The following HS3ST4 variants were observed in gnomAD, a reference collection of about 807,000 sequenced individuals.
HS3ST4 encodes heparan sulfate-glucosamine 3-sulfotransferase 4.
In HS3ST4, 17 loss-of-function variants were observed where a neutral mutation model predicts 29.2. That is an observed-to-expected ratio of 0.58 (90% CI 0.40 to 0.87). The LOEUF (loss-of-function observed/expected upper bound fraction) is 0.87. Among genes scored for constraint, HS3ST4 ranks in the 40% least tolerant of loss-of-function variants. The pLI is 0.00. For synonymous variants in HS3ST4, 314 were observed against 285.7 expected (o/e 1.10, Z -1.00); for missense variants, 627 against 634.5 (o/e 0.99, Z 0.13).
chr16:25,970,897 C>T (rs149631339), intron 1 of HS3ST4, among the ~76,000 whole-genome samples: 4,821 of 152,206 alleles, frequency 0.032, 95 homozygotes, highest in Middle Eastern at 0.058. Flanking sequence ...GTCGCTCAGG[C>T]TGGAGTGCAA....
At chr16:25,901,599 A>G (rs976382668) in intron 1 of HS3ST4, among the ~76,000 whole-genome samples, 9 of 152,294 alleles carry the variant, frequency 5.9e-5, no homozygotes, top group Non-Finnish European at 1.2e-4. Context: ...GGTTGAACCC[A>G]GGAGGCAGAG....
At chr16:25,774,754 G>T (rs1305687529) in intron 1 of HS3ST4, among the ~76,000 whole-genome samples, 2 of 152,204 alleles carry the variant, frequency 1.3e-5, no homozygotes, top group Non-Finnish European at 2.9e-5. Flanking sequence ...CACCTCTTCT[G>T]CATGCAGTAC....
intron 1 of HS3ST4, among the ~76,000 whole-genome samples, chr16:25,802,090 C>T (rs1339084718): frequency 6.7e-6 from 1 of 150,314 alleles, no homozygotes; most frequent in African/African-American, 2.5e-5. Context: ...AAGGGACAGA[C>T]AGCAAACAAC....
At chr16:25,843,878 G>A (rs932159238) in intron 1 of HS3ST4, among the ~76,000 whole-genome samples, 2 of 152,168 alleles carry the variant, frequency 1.3e-5, no homozygotes, top group East Asian at 3.9e-4. Flanking sequence ...CTTTGACACT[G>A]CTTGAACTTC....
intron 1 of HS3ST4, among the ~76,000 whole-genome samples, chr16:25,694,126 T>A (rs1174595810): frequency 2.0e-5 from 3 of 152,210 alleles, no homozygotes; most frequent in African/African-American, 7.2e-5. Context: ...TGGCTGCATC[T>A]CCATTGCATT....
intron 1 of HS3ST4, among the ~76,000 whole-genome samples, chr16:25,740,754 C>T (rs562425178): frequency 1.3e-5 from 2 of 152,324 alleles, no homozygotes; most frequent in East Asian, 3.9e-4. Context: ...AACTGAGGCT[C>T]AGCGAGATGG....
At chr16:25,967,451 G>A (rs116728574) in intron 1 of HS3ST4, among the ~76,000 whole-genome samples, 2,464 of 152,210 alleles carry the variant, frequency 0.016, 66 homozygotes, top group African/African-American at 0.056. Context: ...ACCGCGCCTG[G>A]CCTAATTCTT....
In HS3ST4 at chr16:25,859,268, C is replaced by T. The variant is rs565840882; in HGVS notation, c.734+166117C>T. Among the ~76,000 whole-genome samples the T allele has an allele frequency of 5.9e-4, 90 of 152,202 alleles. 2 individuals are homozygous for T. Among genetic ancestry groups the T allele is most frequent in the Admixed American group, 1.1e-3 (17 of 15,272 alleles). Reference sequence around the variant, plus strand: ...AATTTCTGAAGCAGACAGCAGCAAACGGAAATTAAATGAGCACACACTACA... The same window carrying T: ...AATTTCTGAAGCAGACAGCAGCAAATGGAAATTAAATGAGCACACACTACA... On this transcript the variant is annotated intron_variant, in intron 1 of 1. Coordinates refer to ENST00000331351, the MANE Select transcript of HS3ST4 (RefSeq NM_006040.3).
chr16:25,976,311 C>A (rs902859178), intron 1 of HS3ST4, among the ~76,000 whole-genome samples: 1 of 151,958 alleles, frequency 6.6e-6, no homozygotes, highest in African/African-American at 2.4e-5. Flanking sequence ...CAGTTTATTT[C>A]TTTTCTTTTT....
intron 1 of HS3ST4, among the ~76,000 whole-genome samples, chr16:25,694,643 A>G (rs1966280342): frequency 1.3e-5 from 2 of 152,214 alleles, no homozygotes; most frequent in Admixed American, 6.5e-5. Context: ...AGGATGATTA[A>G]TGCAGCAACA....
chr16:26,136,419 C>A lies in HS3ST4; in HGVS notation c.*171C>A. 1.6e-6 allele frequency: 1 copy of A among 644,902 alleles called. No individual in the cohort carries two copies. Among genetic ancestry groups the A allele is most frequent in the Non-Finnish European group, 2.6e-6 (1 of 379,462 alleles). 39.9% of individuals were successfully genotyped at this position (644,902 alleles called of 1,614,324 possible). A position where few individuals can be genotyped will look rare whatever the true frequency, so the allele number is the denominator to read the frequency against. On this transcript the variant is annotated 3_prime_UTR_variant, in exon 2 of 2. Transcript: ENST00000331351. The stretch of plus-strand genomic sequence containing the variant: ...TGTTAGCTTAGGCAAACAGGTGGAT[C>A]CCATGGCATCCCCATGGAGGAACCA...
chr16:25,829,578 G>C (rs8056435), intron 1 of HS3ST4, among the ~76,000 whole-genome samples: 96,341 of 151,642 alleles, frequency 0.64, 31,159 homozygotes, highest in African/African-American at 0.75. Flanking sequence ...CCCTTGCCCC[G>C]ACCCTGCAAC....
At chr16:25,782,803 C>T (rs911859534) in intron 1 of HS3ST4, among the ~76,000 whole-genome samples, 1 of 152,134 alleles carries the variant, frequency 6.6e-6, no homozygotes, top group Non-Finnish European at 1.5e-5. Context: ...AAATTCAAAG[C>T]TCCAAATAAG....
rs1355091055 is a variant in HS3ST4, at chr16:26,040,639, T to TACTTGACTGTGAAC, written c.735-94967_735-94954dup. 8.6e-5 allele frequency among the ~76,000 whole-genome samples: 13 copies of TACTTGACTGTGAAC among 151,078 alleles called. No individual in the cohort carries two copies. In the East Asian group the frequency reaches 2.2e-3, roughly 26 times the overall value. ...TATGTTTCTATGTCTCTGCTTGTCT[T>TACTTGACTGTGAAC]ACTTGACTGTGAACACTTGTGGGGT... On this transcript the variant is annotated intron_variant, in intron 1 of 1. Transcript: ENST00000331351.
intron 1 of HS3ST4, among the ~76,000 whole-genome samples, chr16:25,811,220 C>T (rs997773907): frequency 1.6e-4 from 25 of 152,012 alleles, no homozygotes; most frequent in African/African-American, 6.0e-4. Flanking sequence ...TCCTACCTCC[C>T]CTTCCATCTG....
At chr16:25,724,614 G>A (rs983879636) in intron 1 of HS3ST4, among the ~76,000 whole-genome samples, 41 of 151,836 alleles carry the variant, frequency 2.7e-4, no homozygotes, top group East Asian at 9.7e-4. Context: ...CCCCCACCTC[G>A]GCCTCCCAAA....
At chr16:25,873,320 A>T (rs759467701) in intron 1 of HS3ST4, among the ~76,000 whole-genome samples, 4 of 87,324 alleles carry the variant, frequency 4.6e-5, no homozygotes, top group Non-Finnish European at 7.8e-5. Flanking sequence ...CCATCCATCC[A>T]TCCTTCCTTC....
chr16:26,019,178 G>C (rs1407149278), intron 1 of HS3ST4, among the ~76,000 whole-genome samples: 1 of 151,892 alleles, frequency 6.6e-6, no homozygotes, highest in Admixed American at 6.6e-5. Flanking sequence ...ATCAATCCCT[G>C]CTTCCAAACA....
intron 1 of HS3ST4, among the ~76,000 whole-genome samples, chr16:26,007,152 A>C (rs1043502226): frequency 1.3e-5 from 2 of 152,242 alleles, no homozygotes; most frequent in Non-Finnish European, 2.9e-5. Flanking sequence ...GTCCTCACTG[A>C]CATGTGACAA....
Sources: allele counts gnomAD v4.1 joint callset (sites outside exome capture counted in the v4.1 genomes callset), GRCh38; gene constraint gnomAD v4.1.1; transcripts MANE v1.5; gene names NCBI Gene and HGNC (gene_info 2026-07-23, HGNC 2026-07-21).